SASH1: variants seen among roughly 807,000 people sequenced by gnomAD.
SASH1 encodes SAM and SH3 domain containing 1, also known as SAM and SH3 domain-containing protein 1.
A neutral mutation model predicts 125.2 loss-of-function variants in SASH1; 44 were observed. The ratio of observed to expected loss-of-function variants is 0.35; its 90% confidence interval spans 0.28 to 0.45. The LOEUF (loss-of-function observed/expected upper bound fraction) is 0.45, where lower values mean the gene tolerates loss of function less well. Among genes scored for constraint, SASH1 ranks in the 20% least tolerant of loss-of-function variants. The pLI is 1.00. For missense variants in SASH1, 1,426 were observed against 1,614.5 expected, an observed-to-expected ratio of 0.88 and a Z score of 2.00; for synonymous variants, 639 against 649.1, an observed-to-expected ratio of 0.98 and a Z score of 0.24.
the SASH1 span, among the ~76,000 whole-genome samples, chr6:148,220,292 A>G: frequency 2.6e-5 from 4 of 152,140 alleles, no homozygotes; most frequent in Non-Finnish European, 2.9e-5. Context: ...ATAGAAGAGC[A>G]AAAGGGGGAT....
Position 148,449,078 on chromosome 6 carries a change from C to CTTTTCTTTTTT in SASH1, c.386+8675_386+8676insCTTTTTTTTTT, listed in dbSNP as rs1554258787. 1.3e-3 allele frequency among the ~76,000 whole-genome samples: 117 copies of CTTTTCTTTTTT among 88,704 alleles called. 4 individuals carry two copies. The South Asian group carries it at 0.019, about 14-fold the overall frequency. 58.2% of individuals were successfully genotyped at this position (88,704 alleles called of 152,430 possible). On this transcript the variant is annotated intron_variant, in intron 4 of 19. Coordinates refer to ENST00000367467, the MANE Select transcript of SASH1 (RefSeq NM_015278.5). Reference sequence around the variant, plus strand: ...GAGACTGGCTAATTTCATTTCATTTCTTTTTTTTTTTTTTTGGAGACAGAG... The same window carrying CTTTTCTTTTTT: ...GAGACTGGCTAATTTCATTTCATTTCTTTTCTTTTTTTTTTTTTTTTTTTTTGGAGACAGAG...
chr6:148,334,407 C>G (rs1224591790), intron 1 of SASH1, among the ~76,000 whole-genome samples: 264 of 115,096 alleles, frequency 2.3e-3, no homozygotes, highest in African/African-American at 8.5e-3. Flanking sequence ...CCGCCTGGGC[C>G]ACAGAGCGAG....
intron 4 of SASH1, among the ~76,000 whole-genome samples, chr6:148,461,850 C>A (rs966788043): frequency 1.3e-5 from 2 of 152,136 alleles, no homozygotes; most frequent in African/African-American, 4.8e-5. Flanking sequence ...GGAATTACTT[C>A]TTTAACATGT....
chr6:148,477,208 A>G (rs902575218), intron 7 of SASH1, among the ~76,000 whole-genome samples: 2 of 152,238 alleles, frequency 1.3e-5, no homozygotes, highest in Admixed American at 1.3e-4. Flanking sequence ...ACAAAAATGG[A>G]CAAATGGGAT....
intron 1 of SASH1, among the ~76,000 whole-genome samples, chr6:148,346,387 G>C (rs777445131): frequency 6.6e-6 from 1 of 151,362 alleles, no homozygotes; most frequent in Non-Finnish European, 1.5e-5. Context: ...AGAAATAATA[G>C]TATAATTTAC....
intron 8 of SASH1, among the ~76,000 whole-genome samples, chr6:148,505,170 G>A (rs904653350): frequency 6.6e-6 from 1 of 152,212 alleles, no homozygotes; most frequent in African/African-American, 2.4e-5. Flanking sequence ...CATGCCCACA[G>A]CCACAGGCTC....
intron 11 of SASH1, among the ~76,000 whole-genome samples, chr6:148,526,942 A>G (rs894219400): frequency 2.0e-5 from 3 of 148,266 alleles, no homozygotes; most frequent in Non-Finnish European, 4.4e-5. Flanking sequence ...ACGCGATCTC[A>G]GCTCACTGCA....
At chr6:148,299,558 T>TG (rs1329058635) in intron 1 of SASH1, among the ~76,000 whole-genome samples, 6 of 150,972 alleles carry the variant, frequency 4.0e-5, no homozygotes, top group African/African-American at 1.5e-4. Context: ...TCCCAGCTAC[T>TG]CGGGGGGCTC....
rs557608110 is a variant in SASH1, at chr6:148,287,374, T to A, written n.74+14997T>A. Among the ~76,000 whole-genome samples the A allele has an allele frequency of 2.0e-5, 3 of 152,278 alleles. No homozygotes were observed. In the East Asian group the frequency reaches 5.8e-4, roughly 29 times the overall value. Reference sequence around the variant, plus strand: ...GCATGTTAACATTTAATGTCTTCAGTCTTGGTGTCCAGTGGCCCCTGCTCT... The same window carrying A: ...GCATGTTAACATTTAATGTCTTCAGACTTGGTGTCCAGTGGCCCCTGCTCT... On this transcript the variant is annotated intron_variant and non_coding_transcript_variant, in intron 1 of 3. Coordinates refer to the SASH1 transcript ENST00000367469.
chr6:148,494,620 C>T (rs768555174), intron 8 of SASH1, among the ~76,000 whole-genome samples: 4 of 151,934 alleles, frequency 2.6e-5, no homozygotes, highest in Non-Finnish European at 2.9e-5. Flanking sequence ...AACAAGACTC[C>T]GTCTCAAAAA....
the SASH1 span, among the ~76,000 whole-genome samples, chr6:148,246,188 T>G: frequency 1.3e-5 from 2 of 152,124 alleles, no homozygotes; most frequent in East Asian, 3.9e-4. Context: ...TTCTTGAGAG[T>G]TGACAGAACA....
chr6:148,523,247 A>G (rs528113118), intron 10 of SASH1, among the ~76,000 whole-genome samples: 1 of 152,374 alleles, frequency 6.6e-6, no homozygotes, highest in South Asian at 2.1e-4. Flanking sequence ...TGGGTGCCAT[A>G]CCATGTCTGT....
chr6:148,432,689 C>T (rs561458603), intron 2 of SASH1, among the ~76,000 whole-genome samples: 2 of 152,312 alleles, frequency 1.3e-5, no homozygotes, highest in Admixed American at 6.5e-5. Flanking sequence ...TTTGTCCCTC[C>T]TGCTTTTCCA....
chr6:148,278,702 T>C (rs1299163398), intron 1 of SASH1: 1 of 151,994 alleles, frequency 6.6e-6, no homozygotes. Context: ...TATACTAAAA[T>C]TGGAATGATA....
chr6:148,401,461 C>T (rs1784167108), intron 2 of SASH1, among the ~76,000 whole-genome samples: 1 of 151,946 alleles, frequency 6.6e-6, no homozygotes. Context: ...TCTCCCTTGA[C>T]AGGTCAATCT....
intron 4 of SASH1, among the ~76,000 whole-genome samples, chr6:148,448,953 C>G (rs1222359774): frequency 1.3e-5 from 2 of 152,128 alleles, no homozygotes; most frequent in Admixed American, 1.3e-4. Context: ...TTTCCTTGAC[C>G]CTTGATTGTC....
chr6:148,283,137 A>G (rs1779388736), intron 1 of SASH1, among the ~76,000 whole-genome samples: 1 of 152,210 alleles, frequency 6.6e-6, no homozygotes, highest in South Asian at 2.1e-4. Context: ...CTTGGGAGAC[A>G]TCGGCAGCTG....
At chr6:148,246,421 T>C in the SASH1 span, among the ~76,000 whole-genome samples, 72 of 152,336 alleles carry the variant, frequency 4.7e-4, no homozygotes, top group African/African-American at 1.5e-3. Context: ...TTTCTGGGTG[T>C]TGAAAATGAT....
chr6:148,405,384 A>G (rs2114885053), intron 2 of SASH1, among the ~76,000 whole-genome samples: 1 of 152,204 alleles, frequency 6.6e-6, no homozygotes, highest in Non-Finnish European at 1.5e-5. Flanking sequence ...CGCCTTGACT[A>G]GGGGGTTTTG....
Sources: allele counts gnomAD v4.1 joint callset (sites outside exome capture counted in the v4.1 genomes callset), GRCh38; gene constraint gnomAD v4.1.1; transcripts MANE v1.5; gene names NCBI Gene and HGNC (gene_info 2026-07-23, HGNC 2026-07-21).